Variants in HK1 observed in about 807,000 individuals in gnomAD.
HK1 encodes hexokinase 1.
A neutral mutation model predicts 91.6 loss-of-function variants in HK1; 28 were observed. The observed-to-expected ratio is 0.31, with a 90% CI of 0.23 to 0.42. HK1 has a LOEUF of 0.42. HK1 is among the 10% of genes least tolerant of loss of function. The probability of loss-of-function intolerance (pLI) is 1.00; values close to 1 mark genes in which losing one functional copy is unlikely to be tolerated. For synonymous variants in HK1, 430 were observed against 468.1 expected (o/e 0.92, Z 1.05); for missense variants, 770 against 1,219.8 (o/e 0.63, Z 5.49).
At chr10:69,318,274 G>C (rs1846764272), upstream of HK1, 4 of 971,510 alleles carry the variant, frequency 4.1e-6, no homozygotes, top group Middle Eastern at 5.2e-4. Flanking sequence ...GAAGGCGCGG[G>C]ACCCGGGTGC....
At chr10:69,333,370 C>CT (rs1847826883) in intron 1 of HK1, among the ~76,000 whole-genome samples, 2 of 152,208 alleles carry the variant, frequency 1.3e-5, no homozygotes, top group African/African-American at 4.8e-5. Context: ...GGTCCAGAGG[C>CT]TGGCTGTTTG....
At chr10:69,325,460 C>G (rs1039269826) in intron 1 of HK1, among the ~76,000 whole-genome samples, 1 of 151,368 alleles carries the variant, frequency 6.6e-6, no homozygotes, top group Admixed American at 6.6e-5. Context: ...TGGGTTCAAG[C>G]GATTCTCCTG....
intron 1 of HK1, among the ~76,000 whole-genome samples, chr10:69,276,551 C>T (rs965720652): frequency 4.6e-5 from 7 of 151,732 alleles, no homozygotes; most frequent in African/African-American, 9.7e-5. Flanking sequence ...CCCAGCTACT[C>T]GGGAGGCTGA....
At chr10:69,349,215 G>A (rs768758749) in intron 2 of HK1, among the ~76,000 whole-genome samples, 2 of 152,152 alleles carry the variant, frequency 1.3e-5, no homozygotes, top group Non-Finnish European at 2.9e-5. Context: ...ACACTGAATC[G>A]GTCTCTGGGT....
chr10:69,319,030 GC>G lies in HK1; in HGVS notation c.63+22del. 6.3e-7 allele frequency: 1 copy of G among 1,589,354 alleles called. No homozygotes were observed. The highest frequency in any genetic ancestry group is 8.6e-7 in the Non-Finnish European group (1 of 1,168,898). On this transcript the variant is annotated intron_variant, in intron 1 of 17. Transcript: ENST00000359426. ...AAAAAGGTGAGCCCCCGCCCGCGCC[GC>G]CGCTGGTCCTGGCCGCAGCCTTGCG...
Position 69,385,166 on chromosome 10 carries a change from C to T in HK1, c.1839+251C>T, listed in dbSNP as rs549983475. On this transcript the variant is annotated intron_variant, in intron 12 of 17. Coordinates refer to ENST00000359426, the MANE Select transcript of HK1 (RefSeq NM_000188.3). ...CCTCCAAGCAAAAAAAGAACCTCAT[C>T]CTCTTCTGTGCCCCCTGTTCATTTG... Among the ~76,000 whole-genome samples, 8 of 152,340 alleles carry T rather than the reference C, an allele frequency of 5.3e-5. No homozygotes were observed. The South Asian group carries it at 1.4e-3, about 28-fold the overall frequency.
intron 1 of HK1, among the ~76,000 whole-genome samples, chr10:69,275,904 C>T (rs984019828): frequency 1.3e-5 from 2 of 150,482 alleles, no homozygotes; most frequent in African/African-American, 4.9e-5. Context: ...GCCTGGCCAA[C>T]ATAGTGAAAT....
At chr10:69,286,475 C>G (rs1326448631) in intron 2 of HK1, among the ~76,000 whole-genome samples, 1 of 152,052 alleles carries the variant, frequency 6.6e-6, no homozygotes, top group Non-Finnish European at 1.5e-5. Flanking sequence ...GCCCAGGTGA[C>G]AGAGCAGGAC....
At chr10:69,368,968 T>C (rs1055196834) in intron 5 of HK1, among the ~76,000 whole-genome samples, 1 of 152,126 alleles carries the variant, frequency 6.6e-6, no homozygotes, top group African/African-American at 2.4e-5. Flanking sequence ...GGACCTCCTG[T>C]GGAGGTTTGC....
intron 2 of HK1, among the ~76,000 whole-genome samples, chr10:69,351,007 A>T (rs1447189419): frequency 2.7e-5 from 2 of 73,100 alleles, no homozygotes; most frequent in Non-Finnish European, 5.2e-5. Context: ...CGTCTCTACT[A>T]AAAAAAAAAA....
chr10:69,294,919 C>A (rs1000036258), intron 3 of HK1, among the ~76,000 whole-genome samples: 1 of 151,366 alleles, frequency 6.6e-6, no homozygotes, highest in African/African-American at 2.4e-5. Context: ...GTCCCAACTA[C>A]TTGGGAGGGT....
In HK1 at chr10:69,343,918, C is replaced by T; in HGVS notation, c.155C>T (p.Ser52Phe). 6.2e-7 allele frequency: 1 copy of T among 1,614,014 alleles called. No individual in the cohort carries two copies. The highest frequency in any genetic ancestry group is 1.1e-5 in the South Asian group (1 of 91,068). The stretch of plus-strand genomic sequence containing the variant: ...AGGAAGGAGATGAAGAATGGCCTCT[C>T]CCGGGATTTTAATCCAACAGCCACA... ...RFRKEMKNGL[S>F]RDFNPTATVK... The change falls in exon 2 of 18, where the codon TCC (serine) becomes TTC (phenylalanine). Residue 52 changes from serine (S) to phenylalanine (F), a missense_variant. By Grantham distance (155) the Ser-to-Phe change is radical (BLOSUM62 -2). This residue lies in a region of HK1 where 449 missense variants were observed against 665.1 expected (regional missense o/e 0.68). Coordinates refer to ENST00000359426, the MANE Select transcript of HK1 (RefSeq NM_000188.3).
chr10:69,296,837 G>C (rs1226161717), intron 4 of HK1, among the ~76,000 whole-genome samples: 1 of 152,200 alleles, frequency 6.6e-6, no homozygotes, highest in Non-Finnish European at 1.5e-5. Flanking sequence ...AGGCTGAGGA[G>C]TCCTGTGATT....
chr10:69,316,422 A>G (rs897551657), upstream of HK1, among the ~76,000 whole-genome samples: 1 of 152,218 alleles, frequency 6.6e-6, no homozygotes, highest in African/African-American at 2.4e-5. Flanking sequence ...GACTCTTGTA[A>G]TATTTCTGGC....
At chr10:69,325,703 A>AT (rs1847319221) in intron 1 of HK1, among the ~76,000 whole-genome samples, 1 of 151,588 alleles carries the variant, frequency 6.6e-6, no homozygotes, top group Non-Finnish European at 1.5e-5. Context: ...TGCCCGGCTA[A>AT]TTTTTGTATT....
intron 7 of HK1, among the ~76,000 whole-genome samples, chr10:69,374,427 C>T (rs1481803233): frequency 2.0e-5 from 3 of 152,356 alleles, no homozygotes; most frequent in Admixed American, 2.0e-4. Flanking sequence ...TGCCGAGACA[C>T]CTGGGCATTA....
chr10:69,278,741 CTT>C (rs892722227), intron 1 of HK1: 1 of 152,160 alleles, frequency 6.6e-6, no homozygotes, highest in Non-Finnish European at 1.5e-5. Flanking sequence ...ATTAGGAAGT[CTT>C]TTGCTTCCTC....
At chr10:69,315,877 C>T (rs1400612051), upstream of HK1, 2 of 1,440,436 alleles carry the variant, frequency 1.4e-6, no homozygotes, top group Non-Finnish European at 2.0e-6. Context: ...TCTACCACAA[C>T]CTGACACTGG....
At chr10:69,385,027 T>A in intron 12 of HK1, 112 bp downstream of exon 12, 1 of 1,143,914 alleles carries the variant, frequency 8.7e-7, no homozygotes, top group Non-Finnish European at 1.3e-6. Flanking sequence ...TAGATGACAG[T>A]CACAGTCACA....
Sources: allele counts gnomAD v4.1 joint callset (sites outside exome capture counted in the v4.1 genomes callset), GRCh38; gene constraint gnomAD v4.1.1; regional missense constraint gnomAD v4.1.1; transcripts MANE v1.5; gene names NCBI Gene and HGNC (gene_info 2026-07-23, HGNC 2026-07-21).